The following GPSM2 variants were observed in gnomAD, a reference collection of about 807,000 sequenced individuals.
GPSM2 encodes G protein-signaling modulator 2.
Under a neutral mutation model 78.4 loss-of-function variants are expected in GPSM2, and 58 were observed. That is an observed-to-expected ratio of 0.74 (90% CI 0.60 to 0.92). GPSM2 has a LOEUF of 0.92. Ranked by LOEUF, GPSM2 falls within the 40% of genes least tolerant of loss-of-function variation. The pLI is 0.00. For synonymous variants in GPSM2, 224 were observed against 280.2 expected (o/e 0.80, Z 2.00); for missense variants, 700 against 815.5 (o/e 0.86, Z 1.73).
At chr1:108,893,977 C>T (rs1001775116) in intron 2 of GPSM2, among the ~76,000 whole-genome samples, 3 of 150,616 alleles carry the variant, frequency 2.0e-5, no homozygotes, top group African/African-American at 7.3e-5. Context: ...ATTGCTTGAA[C>T]CCAGGAGGCG....
chr1:108,897,583 T>G lies in GPSM2; in HGVS notation c.370T>G (p.Cys124Gly), dbSNP rs1000207649. ...TGGGAATTTTGACGAAGCCATAGTT[T>G]GTTGTCAGCGACACCTAGATATTTC... ...VLGNFDEAIV[C>G]CQRHLDISRE... is the part of the protein sequence containing the mutation. The change falls in exon 4 of 15, where the codon TGT becomes GGT. Residue 124 changes from cysteine to glycine, a missense_variant. Physicochemically the swap from Cys to Gly is radical, Grantham distance 159 (BLOSUM62 -3). Transcript: ENST00000264126. 5.0e-6 allele frequency: 8 copies of G among 1,613,810 alleles called. No homozygotes were observed. Among genetic ancestry groups the G allele is most frequent in the Non-Finnish European group, 6.8e-6 (8 of 1,179,822 alleles).
At chr1:108,912,850 G>A (rs2101493235) in intron 10 of GPSM2, among the ~76,000 whole-genome samples, 1 of 127,656 alleles carries the variant, frequency 7.8e-6, no homozygotes. Context: ...TTCGAGACCA[G>A]CCTGGCCAAC....
chr1:108,878,838 G>T (rs1014550179), intron 1 of GPSM2, among the ~76,000 whole-genome samples: 3 of 152,186 alleles, frequency 2.0e-5, no homozygotes, highest in Non-Finnish European at 4.4e-5. Flanking sequence ...CACATTTTAG[G>T]TAAGTGTCAT....
chr1:108,929,868 G>GC lies in GPSM2; in HGVS notation c.1984dup (p.Leu662ProfsTer8). On this transcript the variant is annotated frameshift_variant, in exon 15 of 15. Transcript: ENST00000264126. LOFTEE classifies it high-confidence loss of function. ...ATCAAAACAGAGACACTGACTTTGG[G>GC]CTAAAGGACTTTTTGCAAAATAATG... 3.7e-6 allele frequency: 6 copies of GC among 1,613,838 alleles called. No homozygotes were observed. Among genetic ancestry groups the GC allele is most frequent in the Non-Finnish European group, 5.1e-6 (6 of 1,179,758 alleles).
At chr1:108,909,874 G>A (rs1649568042) in intron 10 of GPSM2, 1 of 127,440 alleles carries the variant, frequency 7.8e-6, no homozygotes. Context: ...CTGCACTCCA[G>A]CCTGGCGACA....
At chr1:108,910,241 G>C (rs576297895) in intron 10 of GPSM2, among the ~76,000 whole-genome samples, 72 of 152,264 alleles carry the variant, frequency 4.7e-4, no homozygotes, top group Non-Finnish European at 3.4e-4. Flanking sequence ...AAAATGTAAT[G>C]TGAATGGCAT....
At chr1:108,906,146 C>T (rs977075935) in intron 10 of GPSM2, among the ~76,000 whole-genome samples, 2 of 151,980 alleles carry the variant, frequency 1.3e-5, no homozygotes, top group Non-Finnish European at 2.9e-5. Flanking sequence ...TCCTGTACCC[C>T]ACCCTATCTC....
chr1:108,908,681 G>A lies in GPSM2; in HGVS notation c.1192+4427G>A, dbSNP rs570277067. ...AGAGACTCCGTCTCAAAACACACGT[G>A]CGCGCACACACACACAGCCGACAGC... On this transcript the variant is annotated intron_variant, in intron 10 of 14. Transcript: ENST00000264126. 2.5e-3 allele frequency among the ~76,000 whole-genome samples: 320 copies of A among 126,526 alleles called. 3 individuals are homozygous for A. Among genetic ancestry groups the A allele is most frequent in the African/African-American group, 0.011 (309 of 27,948 alleles). The allele number at this position is 126,526 out of a possible 152,430, so 83.0% of individuals were successfully genotyped here.
At chr1:108,909,159 T>G (rs1469630669) in intron 10 of GPSM2, among the ~76,000 whole-genome samples, 2 of 152,138 alleles carry the variant, frequency 1.3e-5, no homozygotes, top group Non-Finnish European at 2.9e-5. Context: ...TGTGTATGTA[T>G]GTATATAAAA....
chr1:108,883,101 G>T (rs1457763453), intron 1 of GPSM2, among the ~76,000 whole-genome samples: 1 of 152,186 alleles, frequency 6.6e-6, no homozygotes, highest in African/African-American at 2.4e-5. Flanking sequence ...AAAAGATAGT[G>T]CTTCCTTTGT....
At chr1:108,927,155 A>G (rs1651172084) in intron 14 of GPSM2, among the ~76,000 whole-genome samples, 2 of 152,260 alleles carry the variant, frequency 1.3e-5, no homozygotes, top group South Asian at 4.1e-4. Flanking sequence ...GAAAGAAAAC[A>G]AATGGAACAA....
In GPSM2 at chr1:108,908,299, A is replaced by G. The variant is rs1178915227; in HGVS notation, c.1192+4045A>G. Among the ~76,000 whole-genome samples, 268 of 137,340 alleles carry G rather than the reference A, an allele frequency of 2.0e-3. No homozygotes were observed. In the Middle Eastern group the frequency reaches 0.051, roughly 26 times the overall value. 90.1% of individuals were successfully genotyped at this position (137,340 alleles called of 152,430 possible). On this transcript the variant is annotated intron_variant, in intron 10 of 14. Coordinates refer to ENST00000264126, the MANE Select transcript of GPSM2 (RefSeq NM_013296.5). Reference sequence around the variant, plus strand: ...GGCAGGAGAATGGCGTGAACCTGGGAGGCGGAGCTTGCAGTGAGCCGAGAT... The same window carrying G: ...GGCAGGAGAATGGCGTGAACCTGGGGGGCGGAGCTTGCAGTGAGCCGAGAT...
Position 108,918,733 on chromosome 1 carries a change from A to G in GPSM2, c.1384A>G (p.Lys462Glu). ...GKKYKTNSST[K>E]VLQDASNSID... is the part of the protein sequence containing the mutation. ...AAAATACAAAACGAATTCCTCCACT[A>G]AAGTTCTCCAAGATGCCAGTAATTC... The change falls in exon 12 of 15, where the codon AAA becomes GAA. Residue 462 changes from lysine to glutamate, a missense_variant. By Grantham distance (56) the Lys-to-Glu change is moderately conservative. Transcript: ENST00000264126. 1 of 1,613,546 alleles carries G rather than the reference A, an allele frequency of 6.2e-7. No homozygotes were observed. The highest frequency in any genetic ancestry group is 8.5e-7 in the Non-Finnish European group (1 of 1,179,508).
intron 10 of GPSM2, among the ~76,000 whole-genome samples, chr1:108,912,746 A>G (rs900515279): frequency 6.6e-6 from 1 of 152,070 alleles, no homozygotes; most frequent in Non-Finnish European, 1.5e-5. Context: ...CTCTTCTCAA[A>G]AAAAGAGATC....
At chr1:108,910,297 C>T (rs1649630079) in intron 10 of GPSM2, among the ~76,000 whole-genome samples, 1 of 152,146 alleles carries the variant, frequency 6.6e-6, no homozygotes, top group South Asian at 2.1e-4. Context: ...AATTTAAAAT[C>T]TTCCCACTAG....
rs927060638 is a variant in GPSM2 at position 108,924,151 on chromosome 1, C to A, written c.1752C>A (p.His584Gln). ...LTQNSQSVLS[H>Q]LMTNDNKEAD... ...AAAACAGCCAGTCGGTACTTAGCCA[C>A]CTGATGACTAATGACAACAAAGAGG... The change falls in exon 14 of 15, where the codon CAC (histidine) becomes CAA (glutamine). Residue 584 changes from histidine to glutamine, a missense_variant. Transcript: ENST00000264126. The A allele has an allele frequency of 6.2e-7, 1 of 1,613,658 alleles. No homozygotes were observed. The highest frequency in any genetic ancestry group is 8.5e-7 in the Non-Finnish European group (1 of 1,179,724).
chr1:108,901,388 T>G (rs1398734358), intron 7 of GPSM2, among the ~76,000 whole-genome samples: 1 of 152,206 alleles, frequency 6.6e-6, no homozygotes, highest in Non-Finnish European at 1.5e-5. Flanking sequence ...TATTTTAAAT[T>G]TTGACAATGC....
chr1:108,878,993 C>T (rs956169417), intron 1 of GPSM2, among the ~76,000 whole-genome samples: 5 of 152,204 alleles, frequency 3.3e-5, no homozygotes, highest in African/African-American at 1.2e-4. Context: ...CTCTGGATTC[C>T]ATTTGTAGGG....
chr1:108,889,168 A>G (rs1255842274), intron 2 of GPSM2, among the ~76,000 whole-genome samples: 2 of 152,212 alleles, frequency 1.3e-5, no homozygotes, highest in African/African-American at 4.8e-5. Context: ...CTTGCTGCAG[A>G]AGGGGTACAC....
Sources: gnomAD v4.1 joint callset for allele counts (sites outside exome capture counted in the v4.1 genomes callset) on GRCh38, gnomAD v4.1.1 for gene constraint, MANE v1.5 for transcripts, NCBI Gene and HGNC (gene_info 2026-07-23, HGNC 2026-07-21) for gene names.